LIPI: variants seen among roughly 807,000 people sequenced by gnomAD.
LIPI encodes the protein lipase member I.
LIPI carries 59 observed loss-of-function variants against 50.6 expected under a neutral mutation model. The observed-to-expected ratio is 1.16, with a 90% CI of 0.94 to 1.45. The LOEUF is 1.45. LIPI is among the 40% of genes most tolerant of loss of function. The pLI, the probability that LIPI is intolerant of heterozygous loss-of-function variation, is 0.00. For missense variants in LIPI, 586 were observed against 536.3 expected (o/e 1.09, Z -0.92); for synonymous variants, 203 against 178.2 (o/e 1.14, Z -1.11).
chr21:14,165,420 G>A lies in LIPI; in HGVS notation c.734-30C>T. On this transcript the variant is annotated intron_variant, in intron 5 of 9. Transcript: ENST00000681601. ...AGGGTTAAAAAAAAAACAAAGAACT[G>A]TAGATGTATTAAGCCATGTTCAAGT... The A allele has an allele frequency of 3.3e-6, 5 of 1,518,418 alleles. No homozygotes were observed. The South Asian group carries it at 5.7e-5, about 17-fold the overall frequency. 94.1% of individuals were successfully genotyped at this position (1,518,418 alleles called of 1,614,324 possible).
In LIPI at chr21:14,210,926, G is replaced by A; in HGVS notation, c.-81C>T. 1 of 1,138,210 alleles carries A rather than the reference G, an allele frequency of 8.8e-7. No individual in the cohort carries two copies. The highest frequency in any genetic ancestry group is 1.9e-5 in the South Asian group (1 of 52,372). 70.5% of individuals were successfully genotyped at this position (1,138,210 alleles called of 1,614,324 possible). A position where few individuals can be genotyped will look rare whatever the true frequency, so the allele number is the denominator to read the frequency against. ...AACTCATTGAGGTTTCTCTTTGGTA[G>A]GATCATCACAGGCTGGCAGGTTCTT... On this transcript the variant is annotated 5_prime_UTR_variant, in exon 1 of 10. Transcript: ENST00000681601.
Position 14,152,563 on chromosome 21 carries a change from T to A in LIPI, c.1118+10A>T. ...ATATATGAGAGAAGAAAATAGTAAA[T>A]TTTACTTACTCATAAAGCCTTGGCT... On this transcript the variant is annotated intron_variant, in intron 8 of 9. Coordinates refer to ENST00000681601, the MANE Select transcript of LIPI (RefSeq NM_001302998.2). 1 of 1,338,744 alleles carries A rather than the reference T, an allele frequency of 7.5e-7. No individual in the cohort carries two copies. The highest frequency in any genetic ancestry group is 1.2e-5 in the South Asian group (1 of 82,650). The allele number at this position is 1,338,744 out of a possible 1,614,324, so 82.9% of individuals were successfully genotyped here. A position where few individuals can be genotyped will look rare whatever the true frequency, so the allele number is the denominator to read the frequency against.
At chr21:14,206,862 A>C (rs2020240392) in intron 1 of LIPI, 1 of 1,612,644 alleles carries the variant, frequency 6.2e-7, no homozygotes, top group Non-Finnish European at 8.5e-7. Context: ...TCTGGGTGAG[A>C]ACTGAAAAGC....
In LIPI at chr21:14,210,936, A is replaced by G. The variant is rs757610479; in HGVS notation, c.-91T>C. On this transcript the variant is annotated 5_prime_UTR_variant, in exon 1 of 10. Transcript: ENST00000681601. The stretch of plus-strand genomic sequence containing the variant: ...GGTTTCTCTTTGGTAGGATCATCAC[A>G]GGCTGGCAGGTTCTTCTGTAAAAGT... 8.1e-6 allele frequency: 9 copies of G among 1,105,666 alleles called. No individual in the cohort carries two copies. Among genetic ancestry groups the G allele is most frequent in the Non-Finnish European group, 1.0e-5 (9 of 898,824 alleles). The allele number at this position is 1,105,666 out of a possible 1,614,324, so 68.5% of individuals were successfully genotyped here. A position where few individuals can be genotyped will look rare whatever the true frequency, so the allele number is the denominator to read the frequency against.
chr21:14,111,424 T>G, intron 9 of LIPI, among the ~76,000 whole-genome samples: 1 of 152,136 alleles, frequency 6.6e-6, no homozygotes, highest in Non-Finnish European at 1.5e-5. Context: ...TTTGCCCAAT[T>G]TTTAATTAGG....
chr21:14,174,205 G>T (rs2019015345), intron 4 of LIPI, among the ~76,000 whole-genome samples: 1 of 152,168 alleles, frequency 6.6e-6, no homozygotes, highest in African/African-American at 2.4e-5. Flanking sequence ...AGCAGCCCTT[G>T]ATTCAGGCAT....
At position 14,151,557 on chromosome 21, in the gene LIPI, C is replaced by A. The variant is rs558232253; in HGVS notation, c.1118+1016G>T. 8.5e-5 allele frequency among the ~76,000 whole-genome samples: 13 copies of A among 152,240 alleles called. No individual in the cohort carries two copies. In the South Asian group the frequency reaches 2.5e-3, roughly 29 times the overall value. On this transcript the variant is annotated intron_variant, in intron 8 of 9. Transcript: ENST00000681601. Reference sequence around the variant, plus strand: ...TACACTTTTATATTTCTTTTAATCACTAGATATGGTGTCTGTGAGCCTTTT... The same window carrying A: ...TACACTTTTATATTTCTTTTAATCAATAGATATGGTGTCTGTGAGCCTTTT...
chr21:14,129,201 A>G (rs2822426), intron 9 of LIPI, among the ~76,000 whole-genome samples: 1 of 151,800 alleles, frequency 6.6e-6, no homozygotes, highest in Admixed American at 6.6e-5. Context: ...CAATCAGGGA[A>G]GGGAAGAAAA....
intron 9 of LIPI, among the ~76,000 whole-genome samples, chr21:14,110,319 G>C (rs1265345461): frequency 6.7e-6 from 1 of 150,220 alleles, no homozygotes; most frequent in Non-Finnish European, 1.5e-5. Flanking sequence ...TTAATATAGA[G>C]GCCCCTAAAT....
At chr21:14,117,892 G>T (rs1422061786) in intron 9 of LIPI, among the ~76,000 whole-genome samples, 1 of 151,968 alleles carries the variant, frequency 6.6e-6, no homozygotes, top group Non-Finnish European at 1.5e-5. Flanking sequence ...AGAGTTCTTG[G>T]CCACAGCCCT....
intron 7 of LIPI, among the ~76,000 whole-genome samples, chr21:14,162,490 G>A (rs1339599592): frequency 1.3e-5 from 2 of 151,766 alleles, no homozygotes. Context: ...ATTAAGATGG[G>A]TGCATTGTAT....
At chr21:14,183,084 G>T (rs1395786514) in intron 3 of LIPI, among the ~76,000 whole-genome samples, 2 of 149,402 alleles carry the variant, frequency 1.3e-5, no homozygotes, top group African/African-American at 4.9e-5. Flanking sequence ...ATGCTACAAG[G>T]CTACAGTAAC....
Position 14,144,753 on chromosome 21 carries a change from G to A in LIPI, c.1165C>T (p.Gln389Ter). 1.9e-6 allele frequency: 3 copies of A among 1,585,836 alleles called. No homozygotes were observed. The highest frequency in any genetic ancestry group is 2.6e-6 in the Non-Finnish European group (3 of 1,155,146). ...YKLQEVKILAQFYNDFVNISS... is the reference protein window; with the variant it reads ...YKLQEVKILA ...ATATTTACAAAGTCATTATAAAATT[G>A]AGCAAGAATCTTGACTTCTTGAAGT... The change falls in exon 9 of 10, where the codon CAA (glutamine) becomes TAA (stop). Residue 389 changes from glutamine to a stop codon, truncating the protein, a stop_gained. Coordinates refer to ENST00000681601, the MANE Select transcript of LIPI (RefSeq NM_001302998.2). LOFTEE classifies it high-confidence loss of function.
intron 3 of LIPI, among the ~76,000 whole-genome samples, chr21:14,183,470 G>C (rs143001812): frequency 0.027 from 4,170 of 152,122 alleles, 71 homozygotes; most frequent in Admixed American, 0.033. Context: ...CCAAAATTGA[G>C]AAATGGGATC....
rs191053175 is a variant in LIPI, at chr21:14,175,004, T to A, written c.643+6754A>T. On this transcript the variant is annotated intron_variant, in intron 4 of 9. Coordinates refer to ENST00000681601, the MANE Select transcript of LIPI (RefSeq NM_001302998.2). ...AGTATGTTTGTGCTATCAATCCACA[T>A]TGTCAGGTGTAAAAACAGTCATTTA... Among the ~76,000 whole-genome samples the A allele has an allele frequency of 2.9e-4, 44 of 152,348 alleles. 1 individual carries two copies. In the East Asian group the frequency reaches 6.5e-3, roughly 23 times the overall value.
chr21:14,168,893 C>T (rs1298504140), intron 4 of LIPI, among the ~76,000 whole-genome samples: 2 of 151,928 alleles, frequency 1.3e-5, no homozygotes, highest in East Asian at 1.9e-4. Flanking sequence ...GGACTAAATG[C>T]TCCAATTAAA....
intron 9 of LIPI, among the ~76,000 whole-genome samples, chr21:14,133,492 T>C (rs755801447): frequency 1.3e-5 from 2 of 151,998 alleles, no homozygotes; most frequent in African/African-American, 2.4e-5. Context: ...ATAAAGACAA[T>C]AAATGACAGA....
At chr21:14,128,077 T>A (rs896316358) in intron 9 of LIPI, among the ~76,000 whole-genome samples, 6 of 152,080 alleles carry the variant, frequency 3.9e-5, no homozygotes, top group African/African-American at 1.4e-4. Flanking sequence ...CCTTGTTTTT[T>A]ATGTAAATAA....
intron 7 of LIPI, among the ~76,000 whole-genome samples, chr21:14,162,318 G>C (rs1430663409): frequency 6.6e-6 from 1 of 151,502 alleles, no homozygotes; most frequent in Non-Finnish European, 1.5e-5. Flanking sequence ...GGGGGGATGG[G>C]GTACGTAGTT....
Sources: gnomAD v4.1 joint callset for allele counts (sites outside exome capture counted in the v4.1 genomes callset) on GRCh38, gnomAD v4.1.1 for gene constraint, MANE v1.5 for transcripts, NCBI Gene and HGNC (gene_info 2026-07-23, HGNC 2026-07-21) for gene names.